The following SORBS2 variants were observed in gnomAD, a reference collection of about 807,000 sequenced individuals.
SORBS2 encodes sorbin and SH3 domain containing 2, also known as sorbin and SH3 domain-containing protein 2.
Under a neutral mutation model 97.7 loss-of-function variants are expected in SORBS2, and 46 were observed. The observed-to-expected ratio is 0.47, with a 90% CI of 0.37 to 0.60. The LOEUF (loss-of-function observed/expected upper bound fraction) is 0.60. SORBS2 is among the 20% of genes least tolerant of loss of function. The pLI, the probability that SORBS2 is intolerant of heterozygous loss-of-function variation, is 0.00. For synonymous variants in SORBS2, 476 were observed against 473.4 expected (o/e 1.01, Z -0.07); for missense variants, 1,316 against 1,282.3 (o/e 1.03, Z -0.40).
At chr4:185,933,133 A>C (rs1210516764) in intron 1 of SORBS2, 1 of 152,186 alleles carries the variant, frequency 6.6e-6, no homozygotes, top group Non-Finnish European at 1.5e-5. Flanking sequence ...CCTAATGACC[A>C]GTTGTCTCAA....
chr4:185,586,476 G>A (rs1187607715), exon 15 of SORBS2: 1 of 152,578 alleles, frequency 6.6e-6, no homozygotes, highest in Non-Finnish European at 1.5e-5. Context: ...GAGTTCCATA[G>A]AAGAAAAATA....
intron 8 of SORBS2, 53 bp from the exon 21 acceptor site, chr4:185,618,684 A>C (rs1003456370): frequency 7.9e-7 from 1 of 1,267,976 alleles, no homozygotes; most frequent in African/African-American, 1.5e-5. Flanking sequence ...ATTTTCTACA[A>C]GAAAGTAGTT....
chr4:185,615,825 A>G (rs1353243368), intron 9 of SORBS2, among the ~76,000 whole-genome samples: 2 of 152,200 alleles, frequency 1.3e-5, no homozygotes, highest in African/African-American at 4.8e-5. Flanking sequence ...TTTTATTTAC[A>G]AAAAATAAAA....
intron 9 of SORBS2, among the ~76,000 whole-genome samples, chr4:185,616,404 T>C (rs1459459287): frequency 6.6e-6 from 1 of 152,208 alleles, no homozygotes; most frequent in Non-Finnish European, 1.5e-5. Flanking sequence ...AGCTTTACAT[T>C]CAAATACAGT....
At chr4:185,694,059 T>G (rs1000539363) in intron 2 of SORBS2, among the ~76,000 whole-genome samples, 5 of 152,216 alleles carry the variant, frequency 3.3e-5, no homozygotes, top group African/African-American at 7.2e-5. Context: ...GTGATTGAGC[T>G]CTCAAGAAGA....
At chr4:185,595,830 T>A (rs2096072349) in intron 12 of SORBS2, among the ~76,000 whole-genome samples, 2 of 152,132 alleles carry the variant, frequency 1.3e-5, no homozygotes, top group African/African-American at 4.8e-5. Context: ...AGCTATTTTC[T>A]TCTTTTGAAC....
chr4:185,791,168 A>AT (rs952168729), intron 1 of SORBS2, among the ~76,000 whole-genome samples: 37 of 152,322 alleles, frequency 2.4e-4, no homozygotes, highest in Admixed American at 1.5e-3. Context: ...GAATGAGCAC[A>AT]TTTTTGCCAC....
chr4:185,886,902 A>T (rs1462099279), intron 1 of SORBS2, among the ~76,000 whole-genome samples: 1 of 152,214 alleles, frequency 6.6e-6, no homozygotes, highest in Non-Finnish European at 1.5e-5. Context: ...TATAACTTAG[A>T]CCAAATGGTC....
At chr4:185,875,288 C>T (rs1260089130) in intron 1 of SORBS2, among the ~76,000 whole-genome samples, 1 of 152,140 alleles carries the variant, frequency 6.6e-6, no homozygotes, top group Admixed American at 6.6e-5. Context: ...TGAGGTGATA[C>T]ATATGTTCAT....
At chr4:185,650,905 G>C (rs2097302029) in intron 2 of SORBS2, among the ~76,000 whole-genome samples, 1 of 152,068 alleles carries the variant, frequency 6.6e-6, no homozygotes. Flanking sequence ...ATTTGTCTTT[G>C]GAGATAGGAG....
chr4:185,657,554 C>T (rs748180911), upstream of SORBS2: 7 of 1,581,394 alleles, frequency 4.4e-6, no homozygotes, highest in Admixed American at 1.1e-4. Context: ...GCTGGTGGTG[C>T]CATCCAGAGA....
chr4:185,745,570 T>C (rs933050966), intron 2 of SORBS2, among the ~76,000 whole-genome samples: 1 of 152,170 alleles, frequency 6.6e-6, no homozygotes, highest in African/African-American at 2.4e-5. Flanking sequence ...TGGCGACCTA[T>C]TACAAATTTC....
intron 2 of SORBS2, among the ~76,000 whole-genome samples, chr4:185,745,859 C>T (rs974157200): frequency 8.5e-5 from 13 of 152,188 alleles, no homozygotes; most frequent in Non-Finnish European, 1.3e-4. Flanking sequence ...ATGACTGTTA[C>T]TGCCATTTTG....
chr4:185,923,275 T>C (rs138851143), intron 1 of SORBS2, among the ~76,000 whole-genome samples: 1 of 152,090 alleles, frequency 6.6e-6, no homozygotes, highest in Non-Finnish European at 1.5e-5. Context: ...CCTGAGTAAC[T>C]TATTCTTTGG....
chr4:185,603,102 T>C (rs1443398281), intron 12 of SORBS2, among the ~76,000 whole-genome samples: 12 of 152,216 alleles, frequency 7.9e-5, no homozygotes, highest in Non-Finnish European at 1.3e-4. Context: ...AGAAGAATTT[T>C]GTTCTTGCAG....
chr4:185,826,652 T>C (rs1341749418), intron 1 of SORBS2, among the ~76,000 whole-genome samples: 1 of 152,078 alleles, frequency 6.6e-6, no homozygotes, highest in Admixed American at 6.6e-5. Flanking sequence ...ACTGGGTCAG[T>C]AGGAAAAAAA....
At chr4:185,942,675 A>G (rs2099272685) in intron 1 of SORBS2, among the ~76,000 whole-genome samples, 1 of 152,128 alleles carries the variant, frequency 6.6e-6, no homozygotes. Flanking sequence ...CTTGCCCCTC[A>G]GTACAATGTG....
chr4:185,828,276 C>T (rs186965398), intron 1 of SORBS2, among the ~76,000 whole-genome samples: 48 of 152,228 alleles, frequency 3.2e-4, no homozygotes, highest in African/African-American at 8.4e-4. Context: ...GGAGCCTGGA[C>T]CTTGGGAGCC....
chr4:185,887,891 G>T (rs1458398863), intron 1 of SORBS2, among the ~76,000 whole-genome samples: 1 of 151,600 alleles, frequency 6.6e-6, no homozygotes. Flanking sequence ...GTTGTTGTTG[G>T]ATAGAAAAGG....
Sources: allele counts gnomAD v4.1 joint callset (sites outside exome capture counted in the v4.1 genomes callset), GRCh38; gene constraint gnomAD v4.1.1; transcripts MANE v1.5; gene names NCBI Gene and HGNC (gene_info 2026-07-23, HGNC 2026-07-21).